PTPRT: variants seen among roughly 807,000 people sequenced by gnomAD.
The protein encoded by PTPRT is receptor-type tyrosine-protein phosphatase T.
Under a neutral mutation model 176.8 loss-of-function variants are expected in PTPRT, and 56 were observed. The ratio of observed to expected loss-of-function variants is 0.32; its 90% CI spans 0.26 to 0.40. The LOEUF is 0.40. Ranked by LOEUF, PTPRT falls within the 10% of genes least tolerant of loss-of-function variation. The pLI is 1.00. For synonymous variants in PTPRT, 783 were observed against 739.0 expected (o/e 1.06, Z -0.96); for missense variants, 1,540 against 1,908.2 (o/e 0.81, Z 3.60).
intron 2 of PTPRT, among the ~76,000 whole-genome samples, chr20:42,822,033 A>C (rs1276116452): frequency 6.6e-6 from 1 of 152,206 alleles, no homozygotes; most frequent in Non-Finnish European, 1.5e-5. Context: ...TACCATTGAC[A>C]TTACTCACAG....
intron 1 of PTPRT, chr20:42,966,320 A>G (rs908968664): frequency 2.6e-5 from 4 of 152,194 alleles, no homozygotes; most frequent in African/African-American, 9.7e-5. Context: ...AGCATGCCTG[A>G]TGTTTAACGA....
At chr20:42,932,399 G>A (rs1195549613) in intron 1 of PTPRT, among the ~76,000 whole-genome samples, 1 of 152,218 alleles carries the variant, frequency 6.6e-6, no homozygotes, top group African/African-American at 2.4e-5. Context: ...GGTGGCCGGT[G>A]CTTATCAAGG....
rs1410521947 is a variant in PTPRT at position 42,616,872 on chromosome 20, T to C, written c.1153+60994A>G. Among the ~76,000 whole-genome samples, 131 of 135,982 alleles carry C rather than the reference T, an allele frequency of 9.6e-4. 15 individuals carry two copies. The highest frequency in any genetic ancestry group is 1.5e-3 in the Non-Finnish European group (99 of 65,166). The allele number at this position is 135,982 out of a possible 152,430, so 89.2% of individuals were successfully genotyped here. A position where few individuals can be genotyped will look rare whatever the true frequency, so the allele number is the denominator to read the frequency against. On this transcript the variant is annotated intron_variant, in intron 7 of 30. Coordinates refer to ENST00000373187, the MANE Select transcript of PTPRT (RefSeq NM_007050.6). The stretch of plus-strand genomic sequence containing the variant: ...ATGGGGTTTTCTAGATATACAATCA[T>C]GTCATCTGCAAACAGGGACAATTTG...
At chr20:42,252,246 G>T (rs80022940) in intron 13 of PTPRT, among the ~76,000 whole-genome samples, 2 of 152,234 alleles carry the variant, frequency 1.3e-5, no homozygotes, top group East Asian at 3.9e-4. Context: ...ATATATCTAG[G>T]GCAACTGGAG....
intron 9 of PTPRT, among the ~76,000 whole-genome samples, chr20:42,408,890 A>G (rs1568853816): frequency 6.6e-6 from 1 of 152,110 alleles, no homozygotes; most frequent in Non-Finnish European, 1.5e-5. Flanking sequence ...CGCTTGCAAG[A>G]TGTGCCTCTT....
chr20:42,596,407 C>T (rs1036241753), intron 7 of PTPRT, among the ~76,000 whole-genome samples: 7 of 152,234 alleles, frequency 4.6e-5, no homozygotes, highest in African/African-American at 1.4e-4. Flanking sequence ...AATGTAATTG[C>T]TTTCTCATGC....
chr20:42,893,289 T>G (rs1422815180), intron 1 of PTPRT, among the ~76,000 whole-genome samples: 3 of 152,044 alleles, frequency 2.0e-5, no homozygotes, highest in African/African-American at 7.2e-5. Flanking sequence ...ATCAGAGAAA[T>G]GCAAATCAAA....
At chr20:42,996,310 CA>C (rs1487250432) in intron 1 of PTPRT, among the ~76,000 whole-genome samples, 4 of 152,142 alleles carry the variant, frequency 2.6e-5, no homozygotes, top group Non-Finnish European at 5.9e-5. Context: ...AGGCAAAAAG[CA>C]GTGAGGCTCA....
rs541665577 is a variant in PTPRT, at chr20:42,788,680, T to A, written c.486+2515A>T. ...ACAAAGAACCCCAAAATAAAAACCT[T>A]AAGAAAACCCTCAACACAGACCAAG... On this transcript the variant is annotated intron_variant, in intron 3 of 30. Transcript: ENST00000373187. Among the ~76,000 whole-genome samples the A allele has an allele frequency of 4.6e-5, 7 of 152,204 alleles. No homozygotes were observed. The South Asian group carries it at 1.5e-3, about 32-fold the overall frequency.
At chr20:42,460,871 T>C (rs1176936267) in intron 8 of PTPRT, among the ~76,000 whole-genome samples, 2 of 152,180 alleles carry the variant, frequency 1.3e-5, no homozygotes, top group African/African-American at 2.4e-5. Flanking sequence ...ACCAGTTCTT[T>C]ATAGCAGTAT....
chr20:42,270,268 A>G (rs1568725949), intron 13 of PTPRT: 1 of 626,696 alleles, frequency 1.6e-6, no homozygotes, highest in Non-Finnish European at 2.5e-6. Context: ...TGATGGGTGA[A>G]TGGGTGGGGG....
the PTPRT span, among the ~76,000 whole-genome samples, chr20:42,039,370 A>C: frequency 2.0e-5 from 3 of 152,118 alleles, no homozygotes; most frequent in Admixed American, 2.0e-4. Flanking sequence ...AGCAATTTTC[A>C]AATATACAAT....
At chr20:42,141,224 A>T (rs1409164420) in intron 18 of PTPRT, among the ~76,000 whole-genome samples, 2 of 152,146 alleles carry the variant, frequency 1.3e-5, no homozygotes, top group African/African-American at 4.8e-5. Flanking sequence ...CCCCTGCCCT[A>T]CTATAGTGGG....
Sources: gnomAD v4.1 joint callset for allele counts (sites outside exome capture counted in the v4.1 genomes callset) on GRCh38, gnomAD v4.1.1 for gene constraint, MANE v1.5 for transcripts, NCBI Gene and HGNC (gene_info 2026-07-23, HGNC 2026-07-21) for gene names.